Variants in IFT122 observed in about 807,000 individuals in gnomAD.
The protein encoded by IFT122 is intraflagellar transport protein 122 homolog.
In IFT122, 118 loss-of-function variants were observed where a neutral mutation model predicts 161.6. The observed-to-expected ratio is 0.73, with a 90% CI of 0.63 to 0.85. The LOEUF is 0.85. Among genes scored for constraint, IFT122 ranks in the 40% least tolerant of loss-of-function variants. The pLI is 0.00. For missense variants in IFT122, 1,381 were observed against 1,579.6 expected, an observed-to-expected ratio of 0.87 and a Z score of 2.13; for synonymous variants, 550 against 602.4, an observed-to-expected ratio of 0.91 and a Z score of 1.27.
chr3:129,479,737 G>A, intron 12 of IFT122, 48 bp from the exon 13 acceptor site: 7 of 1,612,592 alleles, frequency 4.3e-6, no homozygotes, highest in Non-Finnish European at 5.9e-6. Flanking sequence ...GAGGTCTGGG[G>A]GCACTTATTC....
At chr3:129,476,626 C>T in intron 10 of IFT122, 37 bp from the exon 11 acceptor site, 1 of 1,614,172 alleles carries the variant, frequency 6.2e-7, no homozygotes, top group Non-Finnish European at 8.5e-7. Context: ...AGACTTTCTC[C>T]AGAGAGCTGG....
chr3:129,446,350 G>A (rs932911721), intron 1 of IFT122, among the ~76,000 whole-genome samples: 8 of 151,454 alleles, frequency 5.3e-5, no homozygotes, highest in Admixed American at 2.0e-4. Context: ...TCATCCTCCC[G>A]TGTAGCTGGG....
intron 1 of IFT122, among the ~76,000 whole-genome samples, chr3:129,447,177 A>G (rs2074114982): frequency 6.6e-6 from 1 of 152,138 alleles, no homozygotes. Context: ...TCTGAGCCTA[A>G]TATGAGTGAC....
chr3:129,505,958 A>G (rs950468331), intron 21 of IFT122, among the ~76,000 whole-genome samples: 1 of 152,212 alleles, frequency 6.6e-6, no homozygotes, highest in Non-Finnish European at 1.5e-5. Flanking sequence ...TTCCTTCTTC[A>G]TAAGTCTGTG....
intron 1 of IFT122, among the ~76,000 whole-genome samples, chr3:129,445,012 C>T (rs1292520309): frequency 6.6e-6 from 1 of 152,136 alleles, no homozygotes; most frequent in Non-Finnish European, 1.5e-5. Context: ...ATGGTTAAAA[C>T]ATGGGCTTCA....
In IFT122 at chr3:129,514,450, C is replaced by A. The variant is rs900548596; in HGVS notation, c.3049C>A (p.His1017Asn). 6.2e-7 allele frequency: 1 copy of A among 1,614,214 alleles called. No homozygotes were observed. The highest frequency in any genetic ancestry group is 8.5e-7 in the Non-Finnish European group (1 of 1,180,038). ...CCTCGGTGCCTACAGGCTGGCCCGG[C>A]ACGCCTATGACAAGCTGCGTGGCCT... The part of the protein sequence containing the change: ...KALGAYRLAR[H>N]AYDKLRGLYI... Residue 1017 changes from histidine (H) to asparagine (N), a missense_variant, in exon 25 of 30, where the codon CAC (histidine) becomes AAC (asparagine). By Grantham distance (68) the His-to-Asn change is moderately conservative. Around this residue, in one of 7 missense-constraint regions of IFT122, gnomAD observed 496 missense variants for 502.5 expected, o/e 0.99. Transcript: ENST00000348417.
intron 26 of IFT122, among the ~76,000 whole-genome samples, chr3:129,516,928 GGAGACTGCCCCTGCACACACACA>G (rs2083890155): frequency 1.3e-4 from 5 of 37,084 alleles, no homozygotes; most frequent in Non-Finnish European, 2.0e-4. Flanking sequence ...GCACACACAC[GGAGACTGCCCCTGCACACACACA>G]GAGACTGCCC....
chr3:129,495,403 C>A (rs1453164021), intron 17 of IFT122, 43 bp from the exon 18 acceptor site: 1 of 1,611,720 alleles, frequency 6.2e-7, no homozygotes, highest in Non-Finnish European at 8.5e-7. Context: ...TGCTTCCTGC[C>A]CATGGCTGCA....
chr3:129,476,609 G>A (rs1256944222), intron 10 of IFT122, 54 bp from the exon 11 acceptor site: 19 of 1,613,928 alleles, frequency 1.2e-5, no homozygotes, highest in Non-Finnish European at 1.5e-5. Flanking sequence ...GACAAATGGG[G>A]GAATGCAGAC....
intron 21 of IFT122, among the ~76,000 whole-genome samples, chr3:129,506,087 G>A (rs1241134083): frequency 6.6e-6 from 1 of 152,088 alleles, no homozygotes; most frequent in Non-Finnish European, 1.5e-5. Context: ...ATGAGCAGGG[G>A]GCAGAACCTC....
At chr3:129,489,731 C>T (rs1577800520) in intron 16 of IFT122, among the ~76,000 whole-genome samples, 2 of 151,938 alleles carry the variant, frequency 1.3e-5, no homozygotes, top group East Asian at 3.9e-4. Flanking sequence ...CCCAGCTACT[C>T]CGGAGGCTGA....
At chr3:129,519,056 G>T in intron 27 of IFT122, 51 bp from the exon 28 acceptor site, 1 of 1,476,770 alleles carries the variant, frequency 6.8e-7, no homozygotes, top group South Asian at 1.1e-5. Context: ...TGGAGGCTAG[G>T]GTCTGTCTCC....
intron 11 of IFT122, among the ~76,000 whole-genome samples, chr3:129,477,321 T>C (rs1223478971): frequency 6.6e-6 from 1 of 152,166 alleles, no homozygotes; most frequent in African/African-American, 2.4e-5. Flanking sequence ...AAGACTGCAG[T>C]CTCTCCCTCT....
chr3:129,479,407 G>T (rs1011580410), intron 12 of IFT122, among the ~76,000 whole-genome samples: 1 of 152,124 alleles, frequency 6.6e-6, no homozygotes, highest in African/African-American at 2.4e-5. Context: ...CTACACTCCA[G>T]CCTGGGTGAC....
intron 26 of IFT122, among the ~76,000 whole-genome samples, chr3:129,516,571 ACACACACAGAGAGACTGCCCCTG>A (rs1398288587): frequency 6.2e-5 from 8 of 128,206 alleles, no homozygotes; most frequent in East Asian, 5.4e-4. Context: ...CTGCACACAC[ACACACACAGAGAGACTGCCCCTG>A]CACACACACA....
At chr3:129,487,633 T>G (rs568344360) in intron 15 of IFT122, 2 of 166,218 alleles carry the variant, frequency 1.2e-5, no homozygotes, top group African/African-American at 4.8e-5. Context: ...CTTACCTTTC[T>G]TGGACTCAGT....
chr3:129,465,114 AGTGTGTGTGT>A (rs56116340), intron 7 of IFT122, among the ~76,000 whole-genome samples: 5,804 of 142,374 alleles, frequency 0.041, 138 homozygotes, highest in South Asian at 0.06. Flanking sequence ...CATGTATATG[AGTGTGTGTGT>A]GTGTGTGTGT....
intron 9 of IFT122, among the ~76,000 whole-genome samples, chr3:129,470,721 C>T (rs2077281521): frequency 6.6e-6 from 1 of 152,078 alleles, no homozygotes; most frequent in South Asian, 2.1e-4. Flanking sequence ...CAGGCATGTG[C>T]CACCATGTCC....
chr3:129,520,498 G>C lies in IFT122; in HGVS notation c.*233G>C. The C allele has an allele frequency of 1.7e-6, 1 of 605,196 alleles. No homozygotes were observed. Among genetic ancestry groups the C allele is most frequent in the South Asian group, 1.9e-5 (1 of 52,496 alleles). 37.5% of individuals were successfully genotyped at this position (605,196 alleles called of 1,614,324 possible). ...ATATATTTTCTAAGGAAAAAAATCT[G>C]TTACTTTCAGAACGGCTCCGAGTTG... On this transcript the variant is annotated 3_prime_UTR_variant, in exon 30 of 30. Transcript: ENST00000348417.
Sources: gnomAD v4.1 joint callset for allele counts (sites outside exome capture counted in the v4.1 genomes callset) on GRCh38, gnomAD v4.1.1 for gene constraint, gnomAD v4.1.1 regional missense constraint, MANE v1.5 for transcripts, NCBI Gene and HGNC (gene_info 2026-07-23, HGNC 2026-07-21) for gene names.